Variants in DPYD observed in about 807,000 individuals in gnomAD.
DPYD encodes dihydropyrimidine dehydrogenase.
In DPYD, 109 loss-of-function variants were observed where a neutral mutation model predicts 116.2. The ratio of observed to expected loss-of-function variants is 0.94; its 90% CI spans 0.80 to 1.10. The LOEUF (loss-of-function observed/expected upper bound fraction) is 1.10. DPYD is among the 50% of genes least tolerant of loss of function. DPYD has a pLI of 0.00. For synonymous variants in DPYD, 440 were observed against 432.0 expected (o/e 1.02, Z -0.23); for missense variants, 1,302 against 1,254.5 (o/e 1.04, Z -0.57).
chr1:97,135,151 C>G (rs992412306), intron 20 of DPYD, among the ~76,000 whole-genome samples: 2 of 152,068 alleles, frequency 1.3e-5, no homozygotes, highest in African/African-American at 4.8e-5. Context: ...CTCGAGCATA[C>G]TTCTTTTGAG....
chr1:97,894,522 T>C (rs191636021), intron 1 of DPYD, among the ~76,000 whole-genome samples: 5 of 151,850 alleles, frequency 3.3e-5, no homozygotes, highest in Admixed American at 2.6e-4. Flanking sequence ...TTTTATTTTA[T>C]CAAGAAGAAA....
chr1:97,368,993 C>T (rs1331206924), intron 16 of DPYD, among the ~76,000 whole-genome samples: 2 of 152,096 alleles, frequency 1.3e-5, no homozygotes, highest in Non-Finnish European at 2.9e-5. Flanking sequence ...CAAAGGCCTA[C>T]TCGAGGTCTA....
At chr1:97,136,455 C>T (rs1406339877) in intron 20 of DPYD, among the ~76,000 whole-genome samples, 20 of 152,136 alleles carry the variant, frequency 1.3e-4, no homozygotes, top group Admixed American at 1.2e-3. Flanking sequence ...TGGACTGCCT[C>T]GCGAATCCAG....
At chr1:97,090,583 C>T (rs1406052766) in intron 21 of DPYD, among the ~76,000 whole-genome samples, 1 of 152,144 alleles carries the variant, frequency 6.6e-6, no homozygotes, top group Non-Finnish European at 1.5e-5. Context: ...GTGAAGCTTT[C>T]CACAATTACC....
At chr1:97,782,210 G>A (rs927209992) in intron 3 of DPYD, among the ~76,000 whole-genome samples, 4 of 152,206 alleles carry the variant, frequency 2.6e-5, no homozygotes, top group Non-Finnish European at 5.9e-5. Flanking sequence ...ACAAAGGTCT[G>A]TGGAGGATGC....
chr1:97,143,940 T>C (rs1332525311), intron 20 of DPYD, among the ~76,000 whole-genome samples: 1 of 152,294 alleles, frequency 6.6e-6, no homozygotes, highest in South Asian at 2.1e-4. Context: ...GGTAACTGAC[T>C]CTTCTGACTC....
intron 11 of DPYD, among the ~76,000 whole-genome samples, chr1:97,570,973 CT>C (rs1337651683): frequency 2.0e-5 from 3 of 151,828 alleles, no homozygotes; most frequent in Non-Finnish European, 4.4e-5. Flanking sequence ...GAGTGGAAAA[CT>C]AGATTTAAGA....
intron 16 of DPYD, among the ~76,000 whole-genome samples, chr1:97,324,591 T>G (rs1668616082): frequency 6.6e-6 from 1 of 152,126 alleles, no homozygotes; most frequent in Non-Finnish European, 1.5e-5. Flanking sequence ...ATCAACTTTG[T>G]CCTCAAAGAA....
intron 19 of DPYD, among the ~76,000 whole-genome samples, chr1:97,195,626 A>G (rs1336394582): frequency 1.1e-4 from 9 of 84,940 alleles, no homozygotes; most frequent in Non-Finnish European, 1.4e-4. Flanking sequence ...GTATGTGTAT[A>G]TGTATGTGTA....
At chr1:97,840,064 C>G (rs1275646433) in intron 2 of DPYD, among the ~76,000 whole-genome samples, 1 of 151,948 alleles carries the variant, frequency 6.6e-6, no homozygotes, top group Non-Finnish European at 1.5e-5. Flanking sequence ...TGTAGAGTAA[C>G]TTTGGCCACA....
chr1:97,537,928 G>A (rs1244748750), intron 12 of DPYD, among the ~76,000 whole-genome samples: 3 of 152,136 alleles, frequency 2.0e-5, no homozygotes, highest in East Asian at 1.9e-4. Flanking sequence ...CTAACTGGGC[G>A]TGGTGGCATA....
chr1:97,809,454 T>G (rs1275107404), intron 3 of DPYD, among the ~76,000 whole-genome samples: 3 of 152,188 alleles, frequency 2.0e-5, no homozygotes, highest in Admixed American at 2.0e-4. Flanking sequence ...TGGCTTGGAC[T>G]GAAGTGGTAG....
chr1:97,622,056 A>C (rs1656661336), intron 8 of DPYD, among the ~76,000 whole-genome samples: 1 of 152,138 alleles, frequency 6.6e-6, no homozygotes, highest in African/African-American at 2.4e-5. Flanking sequence ...CATGCAGATG[A>C]ATCCCAAATG....
At chr1:97,435,598 C>G (rs1348235487) in intron 14 of DPYD, among the ~76,000 whole-genome samples, 1 of 151,646 alleles carries the variant, frequency 6.6e-6, no homozygotes, top group Non-Finnish European at 1.5e-5. Context: ...AATCAATTAT[C>G]TAATCAAAAA....
intron 4 of DPYD, among the ~76,000 whole-genome samples, chr1:97,730,539 A>G (rs997856397): frequency 6.6e-6 from 1 of 152,086 alleles, no homozygotes; most frequent in Non-Finnish European, 1.5e-5. Flanking sequence ...ATCCTTTAAT[A>G]TTGAAAATGA....
intron 11 of DPYD, among the ~76,000 whole-genome samples, chr1:97,553,946 T>C (rs923270403): frequency 4.0e-5 from 6 of 151,824 alleles, no homozygotes; most frequent in Admixed American, 2.0e-4. Flanking sequence ...ACATTCAAGA[T>C]TTATGTTAAT....
intron 18 of DPYD, among the ~76,000 whole-genome samples, chr1:97,276,451 T>C (rs778439307): frequency 6.6e-6 from 1 of 151,734 alleles, no homozygotes; most frequent in Non-Finnish European, 1.5e-5. Context: ...CTTAAACAAG[T>C]CAACCAGCAA....
chr1:97,661,945 G>A (rs1253249789), intron 8 of DPYD, among the ~76,000 whole-genome samples: 2 of 138,594 alleles, frequency 1.4e-5, no homozygotes, highest in African/African-American at 2.6e-5. Context: ...ATTTTAAAAA[G>A]TATATATTTT....
At chr1:97,442,972 G>C (rs377611615) in intron 14 of DPYD, among the ~76,000 whole-genome samples, 2 of 152,060 alleles carry the variant, frequency 1.3e-5, no homozygotes, top group South Asian at 4.1e-4. Flanking sequence ...AATAATTACC[G>C]TGTGTCAAAA....
Sources: allele counts gnomAD v4.1 joint callset (sites outside exome capture counted in the v4.1 genomes callset), GRCh38; gene constraint gnomAD v4.1.1; transcripts MANE v1.5; gene names NCBI Gene and HGNC (gene_info 2026-07-23, HGNC 2026-07-21).